FAM117A: variants seen among roughly 807,000 people sequenced by gnomAD.
FAM117A encodes family with sequence similarity 117 member A.
FAM117A carries 21 observed loss-of-function variants against 44.1 expected under a neutral mutation model. That is an observed-to-expected ratio of 0.48 (90% CI 0.34 to 0.69). The LOEUF (loss-of-function observed/expected upper bound fraction) is 0.69, where lower values mean the gene tolerates loss of function less well. Among genes scored for constraint, FAM117A ranks in the 30% least tolerant of loss-of-function variants. The pLI is 0.01. For missense variants in FAM117A, 498 were observed against 589.9 expected (o/e 0.84, Z 1.61); for synonymous variants, 220 against 238.3 (o/e 0.92, Z 0.71).
Position 49,719,895 on chromosome 17 carries a change from C to T in FAM117A, c.574-1G>A. ...CTGAGGGGAAGCTGGGAGGGGACGC[C>T]TGAGGAAGAGGCAAATGACAAAATC... On this transcript the variant is annotated splice_acceptor_variant, in intron 4 of 7. Transcript: ENST00000240364. LOFTEE classifies it high-confidence loss of function. 6.2e-7 allele frequency: 1 copy of T among 1,600,246 alleles called. No homozygotes were observed. The highest frequency in any genetic ancestry group is 2.3e-5 in the East Asian group (1 of 44,098).
chr17:49,757,043 C>T (rs967271768), intron 1 of FAM117A, among the ~76,000 whole-genome samples: 2 of 152,156 alleles, frequency 1.3e-5, no homozygotes, highest in African/African-American at 2.4e-5. Flanking sequence ...ACTCCTCAAC[C>T]CTTGATCACA....
intron 1 of FAM117A, among the ~76,000 whole-genome samples, chr17:49,761,819 T>C (rs182956564): frequency 2.0e-5 from 3 of 152,332 alleles, no homozygotes; most frequent in Admixed American, 2.0e-4. Flanking sequence ...CCCTAATGCC[T>C]GGCCACTTTC....
chr17:49,779,290 ATTAC>A (rs2073783052), intron 1 of FAM117A, among the ~76,000 whole-genome samples: 1 of 152,210 alleles, frequency 6.6e-6, no homozygotes, highest in South Asian at 2.1e-4. Context: ...TTTCTCCCAG[ATTAC>A]TAATGCTACT....
At chr17:49,726,978 C>CA (rs1208083401) in intron 2 of FAM117A, among the ~76,000 whole-genome samples, 78 of 139,186 alleles carry the variant, frequency 5.6e-4, no homozygotes, top group Admixed American at 1.0e-3. Context: ...GACCCTGTCT[C>CA]AAAAAAAAAA....
intron 1 of FAM117A, among the ~76,000 whole-genome samples, chr17:49,754,308 CTT>C (rs749158188): frequency 4.8e-5 from 7 of 144,624 alleles, no homozygotes; most frequent in African/African-American, 7.6e-5. Flanking sequence ...ACAGCAAACT[CTT>C]TTTTTTTTTT....
At chr17:49,760,149 T>A (rs2073717120) in intron 1 of FAM117A, among the ~76,000 whole-genome samples, 1 of 152,164 alleles carries the variant, frequency 6.6e-6, no homozygotes, top group Admixed American at 6.5e-5. Flanking sequence ...GATTCACACA[T>A]GATGATGTTC....
At chr17:49,762,088 C>G (rs1029607352) in intron 1 of FAM117A, among the ~76,000 whole-genome samples, 1 of 152,182 alleles carries the variant, frequency 6.6e-6, no homozygotes, top group Middle Eastern at 3.2e-3. Flanking sequence ...TGTAATGAAC[C>G]CAGACATCCA....
At chr17:49,785,778 A>G (rs533893705) in intron 1 of FAM117A, among the ~76,000 whole-genome samples, 3 of 152,256 alleles carry the variant, frequency 2.0e-5, no homozygotes, top group Non-Finnish European at 4.4e-5. Context: ...ACTACCTTAC[A>G]AAGAATGAAT....
upstream of FAM117A, among the ~76,000 whole-genome samples, chr17:49,766,833 T>TTA (rs536068757): frequency 8.0e-4 from 122 of 152,330 alleles, no homozygotes; most frequent in African/African-American, 2.8e-3. Context: ...AGGCGACACA[T>TTA]TATCGTACAG....
At chr17:49,732,869 C>G (rs1567829715) in intron 1 of FAM117A, 149 bp from the exon 2 acceptor site, 2 of 798,800 alleles carry the variant, frequency 2.5e-6, no homozygotes, top group African/African-American at 3.4e-5. Context: ...CAGCCTGAAA[C>G]AGCACATATG....
At position 49,749,613 on chromosome 17, in the gene FAM117A, G is replaced by A. The variant is rs375115220; in HGVS notation, c.196+14279C>T. Among the ~76,000 whole-genome samples the A allele has an allele frequency of 9.2e-4, 135 of 146,456 alleles. 3 individuals are homozygous for A. Among genetic ancestry groups the A allele is most frequent in the Middle Eastern group, 3.6e-3 (1 of 276 alleles). ...AAAAAAAAAAAATGGAGATTGTTGA[G>A]GGCAGAACACAGTGAGAGTGTTTCT... On this transcript the variant is annotated intron_variant, in intron 1 of 7. Coordinates refer to ENST00000240364, the MANE Select transcript of FAM117A (RefSeq NM_030802.4).
intron 1 of FAM117A, among the ~76,000 whole-genome samples, chr17:49,754,144 T>C (rs2073688167): frequency 6.7e-6 from 1 of 150,154 alleles, no homozygotes; most frequent in South Asian, 2.1e-4. Flanking sequence ...CCCTGGCTTA[T>C]GTCATATCTG....
chr17:49,761,685 C>T (rs2073722959), intron 1 of FAM117A, among the ~76,000 whole-genome samples: 4 of 152,078 alleles, frequency 2.6e-5, no homozygotes. Context: ...CTCTACTGTC[C>T]TAGAAAAAAC....
intron 1 of FAM117A, among the ~76,000 whole-genome samples, chr17:49,743,573 C>A (rs2073642978): frequency 6.6e-6 from 1 of 151,958 alleles, no homozygotes. Flanking sequence ...ACTAAAATAC[C>A]AAAACATTAG....
intron 2 of FAM117A, 89 bp downstream of exon 2, chr17:49,732,462 G>A (rs929374288): frequency 1.5e-5 from 18 of 1,220,674 alleles, no homozygotes; most frequent in South Asian, 8.1e-5. Context: ...ACAAATCATC[G>A]CAATGACTTG....
chr17:49,767,530 G>C (rs1481739665), upstream of FAM117A, among the ~76,000 whole-genome samples: 2 of 152,244 alleles, frequency 1.3e-5, no homozygotes, highest in African/African-American at 2.4e-5. Flanking sequence ...CCCTGGGCTA[G>C]ATGCTATTTC....
chr17:49,717,581 C>A lies in FAM117A; in HGVS notation c.842G>T (p.Cys281Phe). The change falls in exon 6 of 8, where the codon TGT (cysteine) becomes TTT (phenylalanine). Residue 281 changes from cysteine to phenylalanine, a missense_variant. Cys to Phe is a radical substitution (Grantham distance 205). Transcript: ENST00000240364. ...PSMSLASPQPCGLASHEEHRG... is the reference protein window; with the variant it reads ...PSMSLASPQPFGLASHEEHRG... ...ATGTTCCTCATGACTGGCCAGGCCA[C>A]AAGGCTGGGGAGATGCCAAGGACAT... 2 of 1,614,104 alleles carry A rather than the reference C, an allele frequency of 1.2e-6. No homozygotes were observed. The highest frequency in any genetic ancestry group is 8.5e-7 in the Non-Finnish European group (1 of 1,180,012).
At chr17:49,749,005 T>C (rs878829) in intron 1 of FAM117A, among the ~76,000 whole-genome samples, 16,946 of 152,174 alleles carry the variant, frequency 0.11, 1,335 homozygotes, top group East Asian at 0.35. Flanking sequence ...AGGTTTTCAC[T>C]GACTAAAAAT....
intron 5 of FAM117A, among the ~76,000 whole-genome samples, chr17:49,718,973 C>CA (rs747792681): frequency 0.012 from 689 of 58,894 alleles, 3 homozygotes; most frequent in Admixed American, 0.02. Context: ...CGAGACTCTC[C>CA]AAAAAAAAAA....
Sources: gnomAD v4.1 joint callset for allele counts (sites outside exome capture counted in the v4.1 genomes callset) on GRCh38, gnomAD v4.1.1 for gene constraint, MANE v1.5 for transcripts, NCBI Gene and HGNC (gene_info 2026-07-23, HGNC 2026-07-21) for gene names.